Variants in VAV3 observed in about 807,000 individuals in gnomAD.
The protein encoded by VAV3 is guanine nucleotide exchange factor VAV3.
Under a neutral mutation model 131.2 loss-of-function variants are expected in VAV3, and 94 were observed. That is an observed-to-expected ratio of 0.72 (90% confidence interval 0.61 to 0.85). The LOEUF (loss-of-function observed/expected upper bound fraction) is 0.85, where lower values mean the gene tolerates loss of function less well. VAV3 is among the 40% of genes least tolerant of loss of function. The pLI, the probability that VAV3 is intolerant of heterozygous loss-of-function variation, is 0.00. For missense variants in VAV3, 939 were observed against 1,002.7 expected (o/e 0.94, Z 0.86); for synonymous variants, 349 against 342.0 (o/e 1.02, Z -0.22).
At chr1:107,653,017 T>G (rs1656292227) in intron 19 of VAV3, among the ~76,000 whole-genome samples, 1 of 151,872 alleles carries the variant, frequency 6.6e-6, no homozygotes, top group African/African-American at 2.4e-5. Flanking sequence ...TTTGCTTGCT[T>G]TTCTTTATTT....
chr1:107,580,407 T>A (rs1240921879), intron 25 of VAV3, among the ~76,000 whole-genome samples: 1 of 152,194 alleles, frequency 6.6e-6, no homozygotes, highest in Non-Finnish European at 1.5e-5. Context: ...GTGATATTCC[T>A]AAAATAACTA....
chr1:107,835,595 A>G (rs1174645727), intron 2 of VAV3, among the ~76,000 whole-genome samples: 3 of 152,174 alleles, frequency 2.0e-5, no homozygotes, highest in East Asian at 1.9e-4. Flanking sequence ...TAACAGCCCA[A>G]TGATCTGGGC....
At chr1:107,957,522 G>A (rs1233905221) in intron 1 of VAV3, among the ~76,000 whole-genome samples, 1 of 152,108 alleles carries the variant, frequency 6.6e-6, no homozygotes, top group East Asian at 1.9e-4. Flanking sequence ...AGCAAGGTAG[G>A]TAACACCACA....
At chr1:107,620,208 G>C (rs1451190193) in intron 20 of VAV3, among the ~76,000 whole-genome samples, 1 of 152,094 alleles carries the variant, frequency 6.6e-6, no homozygotes, top group African/African-American at 2.4e-5. Context: ...TTTCTAAGGG[G>C]AGATATAACT....
chr1:107,745,688 A>C (rs1663299905), intron 15 of VAV3, among the ~76,000 whole-genome samples: 2 of 152,240 alleles, frequency 1.3e-5, no homozygotes. Context: ...TTAGAGGCTT[A>C]ACATAGTATT....
At chr1:107,819,976 T>C (rs1218101371) in intron 2 of VAV3, among the ~76,000 whole-genome samples, 1 of 152,154 alleles carries the variant, frequency 6.6e-6, no homozygotes, top group Non-Finnish European at 1.5e-5. Flanking sequence ...GACGAGGATA[T>C]GGAGAAAAGT....
intron 19 of VAV3, among the ~76,000 whole-genome samples, chr1:107,660,912 T>C (rs1423634644): frequency 6.6e-6 from 1 of 152,010 alleles, no homozygotes; most frequent in African/African-American, 2.4e-5. Flanking sequence ...TCATCAAGTG[T>C]TCAGGGAAGG....
intron 10 of VAV3, among the ~76,000 whole-genome samples, chr1:107,759,393 T>TATTC (rs1452807150): frequency 6.6e-6 from 1 of 152,236 alleles, no homozygotes; most frequent in Non-Finnish European, 1.5e-5. Context: ...CACTATAAAA[T>TATTC]ATTCTCACTT....
At chr1:107,921,983 G>C (rs1398930914) in intron 1 of VAV3, among the ~76,000 whole-genome samples, 1 of 152,158 alleles carries the variant, frequency 6.6e-6, no homozygotes, top group Non-Finnish European at 1.5e-5. Context: ...CCTTCAACCT[G>C]CCTCACAAAC....
intron 1 of VAV3, among the ~76,000 whole-genome samples, chr1:107,948,327 A>C (rs1475901674): frequency 2.6e-5 from 4 of 152,010 alleles, no homozygotes; most frequent in Non-Finnish European, 4.4e-5. Flanking sequence ...ATTGTAAAAA[A>C]AAAAATTGTA....
intron 15 of VAV3, among the ~76,000 whole-genome samples, chr1:107,742,550 A>G (rs1663086756): frequency 6.6e-6 from 1 of 152,322 alleles, no homozygotes; most frequent in South Asian, 2.1e-4. Flanking sequence ...CCTGCATCTC[A>G]AAAGGCCTTT....
intron 1 of VAV3, among the ~76,000 whole-genome samples, chr1:107,881,543 A>T (rs1396033105): frequency 6.6e-6 from 1 of 152,192 alleles, no homozygotes; most frequent in Non-Finnish European, 1.5e-5. Context: ...ATCCAGTGAA[A>T]AGTGATGTAT....
chr1:107,630,781 T>C (rs1232749151), intron 20 of VAV3, among the ~76,000 whole-genome samples: 2 of 152,132 alleles, frequency 1.3e-5, no homozygotes, highest in African/African-American at 2.4e-5. Flanking sequence ...ACTGTAAACA[T>C]GCCTAAAAAA....
rs553848619 is a variant in VAV3 at position 107,931,271 on chromosome 1, A to G, written c.204+33395T>C. 4.6e-5 allele frequency among the ~76,000 whole-genome samples: 7 copies of G among 152,332 alleles called. No individual in the cohort carries two copies. In the East Asian group the frequency reaches 1.3e-3, roughly 29 times the overall value. ...TAGGAAAATCTTTAAAAATTTAAAGATGCATATCAAAGCGTGTAAGGACAA... is the reference window on the plus strand; with the variant it reads ...TAGGAAAATCTTTAAAAATTTAAAGGTGCATATCAAAGCGTGTAAGGACAA... On this transcript the variant is annotated intron_variant, in intron 1 of 26. Coordinates refer to ENST00000370056, the MANE Select transcript of VAV3 (RefSeq NM_006113.5).
chr1:107,737,883 C>T (rs896829565), intron 15 of VAV3, among the ~76,000 whole-genome samples: 5 of 152,184 alleles, frequency 3.3e-5, no homozygotes, highest in African/African-American at 9.7e-5. Context: ...ATAAATCATG[C>T]TACTATAAAG....
rs1454668700 is a variant in VAV3, at chr1:107,770,647, A to C, written c.637T>G (p.Ser213Ala). Residue 213 changes from serine to alanine, a missense_variant, in exon 6 of 27, where the codon TCA (serine) becomes GCA (alanine). Physicochemically the swap from Ser to Ala is moderately conservative, Grantham distance 99. Coordinates refer to ENST00000370056, the MANE Select transcript of VAV3 (RefSeq NM_006113.5). ...ACCTGATGACTTACCTTTTCTATTG[A>C]CTCCAAAGTTTCTGTATATTTTTCT... ...TEEKYTETLE[S>A]IEKYFMAPLK... is the part of the protein sequence containing the mutation. 1 of 1,606,940 alleles carries C rather than the reference A, an allele frequency of 6.2e-7. No homozygotes were observed. Among genetic ancestry groups the C allele is most frequent in the South Asian group, 1.1e-5 (1 of 90,400 alleles).
chr1:107,933,022 A>C (rs370181791), intron 1 of VAV3, among the ~76,000 whole-genome samples: 1 of 152,218 alleles, frequency 6.6e-6, no homozygotes, highest in African/African-American at 2.4e-5. Flanking sequence ...ATAGGAAACT[A>C]ATACATATCC....
At chr1:107,776,016 T>A (rs191214200) in intron 4 of VAV3, among the ~76,000 whole-genome samples, 46 of 152,362 alleles carry the variant, frequency 3.0e-4, no homozygotes, top group African/African-American at 1.1e-3. Context: ...CCTCAGCAAG[T>A]AACTAGGCTT....
intron 25 of VAV3, chr1:107,576,354 G>C (rs1258790460): frequency 6.9e-7 from 1 of 1,454,694 alleles, no homozygotes; most frequent in East Asian, 2.6e-5. Context: ...GCAAGCAGAA[G>C]CAAGTTGAAG....
Sources: allele counts gnomAD v4.1 joint callset (sites outside exome capture counted in the v4.1 genomes callset), GRCh38; gene constraint gnomAD v4.1.1; transcripts MANE v1.5; gene names NCBI Gene and HGNC (gene_info 2026-07-23, HGNC 2026-07-21).